The following CFAP300 variants were observed in gnomAD, a reference collection of about 807,000 sequenced individuals.
The protein encoded by CFAP300 is cilia- and flagella-associated protein 300.
CFAP300 carries 32 observed loss-of-function variants against 33.0 expected under a neutral mutation model. That is an observed-to-expected ratio of 0.97 (90% CI 0.73 to 1.30). The LOEUF (loss-of-function observed/expected upper bound fraction) is 1.30, where lower values mean the gene tolerates loss of function less well. Ranked by LOEUF, CFAP300 falls within the 50% of genes most tolerant of loss-of-function variation. CFAP300 has a pLI of 0.00. For synonymous variants in CFAP300, 102 were observed against 106.8 expected, an observed-to-expected ratio of 0.95 and a Z score of 0.28; for missense variants, 356 against 318.1, an observed-to-expected ratio of 1.12 and a Z score of -0.90.
At position 102,047,495 on chromosome 11, in the gene CFAP300, T is replaced by C; in HGVS notation, c.25T>C (p.Leu9=). Residue 9 remains leucine, a synonymous_variant, in exon 1 of 7, where the codon TTG becomes CTG. Transcript: ENST00000434758. The part of the protein sequence containing the change: MATGELGD[L]GGYYFRFLPQ... Reference sequence around the variant, plus strand: ...GATGGCTACTGGGGAGCTCGGGGACTTGGGTGGCTACTACTTCAGGTTCTT... The same window carrying C: ...GATGGCTACTGGGGAGCTCGGGGACCTGGGTGGCTACTACTTCAGGTTCTT... 1 of 1,535,952 alleles carries C rather than the reference T, an allele frequency of 6.5e-7. No homozygotes were observed. Among genetic ancestry groups the C allele is most frequent in the Non-Finnish European group, 8.7e-7 (1 of 1,146,764 alleles).
At chr11:102,065,937 A>G (rs1942217564) in intron 3 of CFAP300, among the ~76,000 whole-genome samples, 1 of 151,446 alleles carries the variant, frequency 6.6e-6, no homozygotes, top group Non-Finnish European at 1.5e-5. Context: ...ATTTATATTC[A>G]TCTAGTCCAG....
Position 102,047,495 on chromosome 11 carries a change from T to G in CFAP300, c.25T>G (p.Leu9Val). MATGELGD[L>V]GGYYFRFLPQ... The stretch of plus-strand genomic sequence containing the variant: ...GATGGCTACTGGGGAGCTCGGGGAC[T>G]TGGGTGGCTACTACTTCAGGTTCTT... Residue 9 changes from leucine (L) to valine (V), a missense_variant, in exon 1 of 7, where the codon TTG becomes GTG. Leu to Val is a conservative substitution (Grantham distance 32). Transcript: ENST00000434758. The G allele has an allele frequency of 6.5e-7, 1 of 1,535,952 alleles. No homozygotes were observed. Among genetic ancestry groups the G allele is most frequent in the Non-Finnish European group, 8.7e-7 (1 of 1,146,764 alleles).
In CFAP300 at chr11:102,066,622, C is replaced by G; in HGVS notation, c.406C>G (p.Pro136Ala). ...TAAATGTTTAGATTCTTTTTGTGATCCATTTCTCATTTCTGATGAGTTACG... is the reference window on the plus strand; with the variant it reads ...TAAATGTTTAGATTCTTTTTGTGATGCATTTCTCATTTCTGATGAGTTACG... ...IVKCLDSFCDPFLISDELRRV... is the reference protein window; with the variant it reads ...IVKCLDSFCDAFLISDELRRV... The change falls in exon 4 of 7, where the codon CCA becomes GCA. Residue 136 changes from proline to alanine, a missense_variant. Coordinates refer to ENST00000434758, the MANE Select transcript of CFAP300 (RefSeq NM_032930.3). 1.9e-6 allele frequency: 3 copies of G among 1,607,262 alleles called. No individual in the cohort carries two copies. Among genetic ancestry groups the G allele is most frequent in the South Asian group, 1.1e-5 (1 of 88,636 alleles).
chr11:102,065,971 C>CT (rs59366521), intron 3 of CFAP300, among the ~76,000 whole-genome samples: 7,815 of 134,884 alleles, frequency 0.058, 355 homozygotes, highest in African/African-American at 0.1. Flanking sequence ...TTGTTATAAA[C>CT]TTTTTTTTTT....
chr11:102,065,554 G>T (rs1295663399), intron 3 of CFAP300, among the ~76,000 whole-genome samples: 5 of 151,912 alleles, frequency 3.3e-5, no homozygotes, highest in Non-Finnish European at 7.4e-5. Flanking sequence ...ATCACCTAAG[G>T]TCGAGAGTTC....
chr11:102,077,973 G>A (rs1314175012), intron 5 of CFAP300, among the ~76,000 whole-genome samples: 3 of 151,964 alleles, frequency 2.0e-5, no homozygotes, highest in Non-Finnish European at 2.9e-5. Flanking sequence ...TCACTGCAAC[G>A]TCTGCCTCCT....
In CFAP300 at chr11:102,047,915, G is replaced by A. The variant is rs557509208; in HGVS notation, c.192+19G>A. The A allele has an allele frequency of 3.1e-6, 5 of 1,612,378 alleles. No individual in the cohort carries two copies. Among genetic ancestry groups the A allele is most frequent in the Admixed American group, 1.7e-5 (1 of 59,930 alleles). ...CGTTATGGTTAGTATGGGGGTCGGA[G>A]AGTTCCCTGGGTCTCTGCGGATTTT... is the stretch of plus-strand genomic sequence containing the variant. On this transcript the variant is annotated intron_variant, in intron 2 of 6. Transcript: ENST00000434758.
At chr11:102,081,861 A>G (rs1411025941) in intron 6 of CFAP300, among the ~76,000 whole-genome samples, 2 of 149,412 alleles carry the variant, frequency 1.3e-5, no homozygotes, top group Non-Finnish European at 1.5e-5. Flanking sequence ...ACTGCACTCC[A>G]GACTGGGCAA....
At chr11:102,055,103 C>T (rs1942031118) in intron 2 of CFAP300, among the ~76,000 whole-genome samples, 1 of 150,958 alleles carries the variant, frequency 6.6e-6, no homozygotes, top group Non-Finnish European at 1.5e-5. Context: ...GCCTTAGCCT[C>T]CTGAGTAGCT....
intron 3 of CFAP300, among the ~76,000 whole-genome samples, chr11:102,059,602 T>C (rs1210226941): frequency 1.3e-5 from 2 of 151,844 alleles, no homozygotes; most frequent in East Asian, 3.9e-4. Context: ...TGAGCTGAGA[T>C]TGTGTCACTG....
intron 4 of CFAP300, among the ~76,000 whole-genome samples, chr11:102,070,056 T>C (rs1942289033): frequency 6.6e-6 from 1 of 152,170 alleles, no homozygotes; most frequent in South Asian, 2.1e-4. Flanking sequence ...TCCTAAGTAC[T>C]TTATTCACCT....
intron 2 of CFAP300, among the ~76,000 whole-genome samples, chr11:102,053,306 C>T (rs1395757325): frequency 1.3e-5 from 2 of 151,950 alleles, no homozygotes; most frequent in Non-Finnish European, 2.9e-5. Context: ...AATCCCAGCA[C>T]TTTGGGAGGC....
At chr11:102,057,281 G>A (rs1942074205) in intron 2 of CFAP300, among the ~76,000 whole-genome samples, 3 of 151,114 alleles carry the variant, frequency 2.0e-5, no homozygotes, top group Admixed American at 2.0e-4. Flanking sequence ...AGAGGTTGCA[G>A]TAAGCCGAGA....
chr11:102,071,492 G>T (rs1462013370), intron 4 of CFAP300, among the ~76,000 whole-genome samples: 1 of 151,960 alleles, frequency 6.6e-6, no homozygotes, highest in Non-Finnish European at 1.5e-5. Flanking sequence ...AATTTTTTTG[G>T]TTATTTTGTA....
intron 6 of CFAP300, 146 bp downstream of exon 6, chr11:102,081,427 T>C: frequency 1.4e-6 from 1 of 699,350 alleles, no homozygotes. Flanking sequence ...TAAAAGTTGA[T>C]AGAGTATGCT....
At chr11:102,069,754 G>A (rs946052286) in intron 4 of CFAP300, among the ~76,000 whole-genome samples, 1 of 152,164 alleles carries the variant, frequency 6.6e-6, no homozygotes, top group Non-Finnish European at 1.5e-5. Context: ...AATAAGCTGA[G>A]ATTGCGCCAC....
At chr11:102,068,035 A>G (rs1026273063) in intron 4 of CFAP300, among the ~76,000 whole-genome samples, 1 of 152,256 alleles carries the variant, frequency 6.6e-6, no homozygotes, top group African/African-American at 2.4e-5. Context: ...TTTGTCACTT[A>G]GTAACTGATC....
Position 102,081,095 on chromosome 11 carries a change from T to G in CFAP300, c.609-120T>G. ...CATTTTTTCAAACCACTTAGTTGGA[T>G]AGTATGTATTTCCATGTTCTATATG... On this transcript the variant is annotated intron_variant, in intron 5 of 6. Transcript: ENST00000434758. 5 of 664,498 alleles carry G rather than the reference T, an allele frequency of 7.5e-6. No individual in the cohort carries two copies. The South Asian group carries it at 1.4e-4, about 19-fold the overall frequency. 41.2% of individuals were successfully genotyped at this position (664,498 alleles called of 1,614,324 possible).
At chr11:102,057,287 C>T (rs551564742) in intron 2 of CFAP300, among the ~76,000 whole-genome samples, 15 of 150,140 alleles carry the variant, frequency 1.0e-4, no homozygotes, top group South Asian at 4.2e-4. Context: ...TGCAGTAAGC[C>T]GAGATCGCAC....
Sources: allele counts gnomAD v4.1 joint callset (sites outside exome capture counted in the v4.1 genomes callset), GRCh38; gene constraint gnomAD v4.1.1; transcripts MANE v1.5; gene names NCBI Gene and HGNC (gene_info 2026-07-23, HGNC 2026-07-21).